TBC1D9B: variants seen among roughly 807,000 people sequenced by gnomAD.
TBC1D9B encodes the protein TBC1 domain family, member 9B (with GRAM domain).
In TBC1D9B, 87 loss-of-function variants were observed where a neutral mutation model predicts 121.1. That is an observed-to-expected ratio of 0.72 (90% CI 0.60 to 0.86). The LOEUF is 0.86. TBC1D9B is among the 40% of genes least tolerant of loss of function. The probability of loss-of-function intolerance (pLI) is 0.00; values close to 1 mark genes in which losing one functional copy is unlikely to be tolerated. For synonymous variants in TBC1D9B, 668 were observed against 670.1 expected (o/e 1.00, Z 0.05); for missense variants, 1,540 against 1,628.6 (o/e 0.95, Z 0.94).
Position 179,872,839 on chromosome 5 carries a change from G to A in TBC1D9B, c.2415+53C>T. On this transcript the variant is annotated intron_variant, in intron 14 of 20. Transcript: ENST00000355235. ...TGTACCCACCCTGCTCTGTGGGGAAGGCACTGCTGCCCCCCCAGCCCAGCC... is the reference window on the plus strand; with the variant it reads ...TGTACCCACCCTGCTCTGTGGGGAAAGCACTGCTGCCCCCCCAGCCCAGCC... 3 of 1,567,936 alleles carry A rather than the reference G, an allele frequency of 1.9e-6. No homozygotes were observed. The South Asian group carries it at 3.3e-5, about 17-fold the overall frequency.
chr5:179,879,210 C>A lies in TBC1D9B; in HGVS notation c.1417-13G>T. ...TCTTCTCCTTGGCCTGAGGGAAAAG[C>A]GCATCAGGGAGCCTGGGGGCCGAAG... is the stretch of plus-strand genomic sequence containing the variant. On this transcript the variant is annotated splice_polypyrimidine_tract_variant and intron_variant, in intron 8 of 20. Transcript: ENST00000355235. 1.3e-6 allele frequency: 2 copies of A among 1,595,938 alleles called. No individual in the cohort carries two copies. The highest frequency in any genetic ancestry group is 1.7e-6 in the Non-Finnish European group (2 of 1,177,670).
chr5:179,905,971 C>T (rs766266997), intron 1 of TBC1D9B, among the ~76,000 whole-genome samples: 4 of 152,228 alleles, frequency 2.6e-5, no homozygotes, highest in Non-Finnish European at 4.4e-5. Context: ...CCTTGACCTC[C>T]TGGGTTCAAG....
Position 179,885,883 on chromosome 5 carries a change from G to A in TBC1D9B, c.1254+2220C>T, listed in dbSNP as rs1760670986. ...AAGTCAAAGCTGCAGCACTCACAGGGCCTACGGGCTTTCGGTGACTTGGCC... is the reference window on the plus strand; with the variant it reads ...AAGTCAAAGCTGCAGCACTCACAGGACCTACGGGCTTTCGGTGACTTGGCC... On this transcript the variant is annotated intron_variant, in intron 7 of 20. Transcript: ENST00000355235. This position sits in a 1 kb window ranked among gnomAD's most constrained non-coding sequence, Gnocchi z 4.5. 6.6e-6 allele frequency among the ~76,000 whole-genome samples: 1 copy of A among 152,338 alleles called. No individual in the cohort carries two copies. Among genetic ancestry groups the A allele is most frequent in the East Asian group, 1.9e-4 (1 of 5,188 alleles).
chr5:179,895,403 G>A (rs1760991035), intron 3 of TBC1D9B, among the ~76,000 whole-genome samples: 1 of 152,242 alleles, frequency 6.6e-6, no homozygotes, highest in East Asian at 1.9e-4. Context: ...CTGCAGCTCT[G>A]TTCTGTAAAG....
chr5:179,889,063 G>GCT (rs1476750400), intron 6 of TBC1D9B, among the ~76,000 whole-genome samples: 1 of 151,060 alleles, frequency 6.6e-6, no homozygotes, highest in Non-Finnish European at 1.5e-5. Context: ...ACGGAGTCTC[G>GCT]CTGTCGCCCA....
At chr5:179,873,354 T>C (rs1197402582) in intron 12 of TBC1D9B, 106 bp from the exon 13 acceptor site, 6 of 1,432,714 alleles carry the variant, frequency 4.2e-6, no homozygotes, top group Non-Finnish European at 5.5e-6. Flanking sequence ...AGACTCCTAA[T>C]AAGGAGTGTG....
At chr5:179,884,107 C>T (rs1760610385) in intron 7 of TBC1D9B, among the ~76,000 whole-genome samples, 1 of 152,170 alleles carries the variant, frequency 6.6e-6, no homozygotes, top group Non-Finnish European at 1.5e-5. Flanking sequence ...GATCTTTCCT[C>T]AGCCGTATAA....
intron 17 of TBC1D9B, 106 bp from the exon 18 acceptor site, chr5:179,867,955 G>T: frequency 9.0e-7 from 1 of 1,109,246 alleles, no homozygotes; most frequent in Non-Finnish European, 1.2e-6. Context: ...CTGCCCACGA[G>T]CCTGGCCAGT....
chr5:179,883,898 T>G (rs1760606208), intron 7 of TBC1D9B, among the ~76,000 whole-genome samples: 1 of 152,176 alleles, frequency 6.6e-6, no homozygotes, highest in South Asian at 2.1e-4. Context: ...GAGAGGCCTT[T>G]CCCCTGCTGT....
intron 2 of TBC1D9B, among the ~76,000 whole-genome samples, chr5:179,900,317 A>C (rs889563189): frequency 6.6e-6 from 1 of 152,196 alleles, no homozygotes; most frequent in African/African-American, 2.4e-5. Context: ...GGGAAGAGCA[A>C]AGGGATGAGG....
intron 7 of TBC1D9B, among the ~76,000 whole-genome samples, chr5:179,883,663 T>TCTA (rs1760599550): frequency 6.6e-6 from 1 of 152,232 alleles, no homozygotes; most frequent in Non-Finnish European, 1.5e-5. Flanking sequence ...CTGTCGTTTT[T>TCTA]CTAATTCCTT....
intron 7 of TBC1D9B, among the ~76,000 whole-genome samples, chr5:179,883,219 C>A (rs1190698070): frequency 1.3e-5 from 2 of 152,134 alleles, no homozygotes; most frequent in Non-Finnish European, 2.9e-5. Context: ...TCAATATCGA[C>A]TATTTTGTGT....
In TBC1D9B at chr5:179,872,941, T is replaced by A. The variant is rs1202508485; in HGVS notation, c.2366A>T (p.Gln789Leu). ...CAAGGACTGGATCACTTTCAGCCTC[T>A]GTTTAAACCGCATCTGCTCAATGTC... ...AEDIEQMRFK[Q>L]RLKVIQSLED... is the part of the protein sequence containing the mutation. Residue 789 changes from glutamine to leucine, a missense_variant, in exon 14 of 21, where the codon CAG becomes CTG. Coordinates refer to ENST00000355235, the MANE Select transcript of TBC1D9B (RefSeq NM_015043.4). 4 of 1,610,228 alleles carry A rather than the reference T, an allele frequency of 2.5e-6. No individual in the cohort carries two copies. Among genetic ancestry groups the A allele is most frequent in the Non-Finnish European group, 3.4e-6 (4 of 1,178,404 alleles).
chr5:179,889,369 G>T (rs1291713145), intron 6 of TBC1D9B, among the ~76,000 whole-genome samples: 1 of 152,118 alleles, frequency 6.6e-6, no homozygotes, highest in Non-Finnish European at 1.5e-5. Flanking sequence ...CATATCCATG[G>T]GGTGTGCCTG....
In TBC1D9B at chr5:179,863,872, T is replaced by G; in HGVS notation, c.3278A>C (p.Lys1093Thr). The G allele has an allele frequency of 1.2e-6, 2 of 1,613,086 alleles. No individual in the cohort carries two copies. Among genetic ancestry groups the G allele is most frequent in the Non-Finnish European group, 1.7e-6 (2 of 1,179,468 alleles). The change falls in exon 21 of 21, where the codon AAA becomes ACA. Residue 1093 changes from lysine (K) to threonine (T), a missense_variant. Physicochemically the swap from Lys to Thr is moderately conservative, Grantham distance 78. Transcript: ENST00000355235. This position sits in a 1 kb window ranked among gnomAD's most constrained non-coding sequence, Gnocchi z 4.5. ...TCCGAGGTGTGTGTCTCCGCCTGCT[T>G]TGGCTTGGGGGTCTCCTGCAGCTGG... ...QPPAAGDPQA[K>T]AGGDTHLGKA...
In TBC1D9B at chr5:179,863,289, C is replaced by T; in HGVS notation, c.*159G>A. 1.2e-6 allele frequency: 1 copy of T among 827,634 alleles called. No homozygotes were observed. Among genetic ancestry groups the T allele is most frequent in the Non-Finnish European group, 1.9e-6 (1 of 540,440 alleles). 51.3% of individuals were successfully genotyped at this position (827,634 alleles called of 1,614,324 possible). ...GGCCCAGGGAATCTGTCTAAGGCAG[C>T]TGGGTCTGCACCAGCCTTCTTTCCA... On this transcript the variant is annotated 3_prime_UTR_variant, in exon 21 of 21. Transcript: ENST00000355235. This position sits in a 1 kb window ranked among gnomAD's most constrained non-coding sequence, Gnocchi z 4.5.
In TBC1D9B at chr5:179,904,208, C is replaced by G. The variant is rs941948289; in HGVS notation, c.229+494G>C. On this transcript the variant is annotated intron_variant, in intron 2 of 20. Coordinates refer to ENST00000355235, the MANE Select transcript of TBC1D9B (RefSeq NM_015043.4). This position sits in a 1 kb window ranked among gnomAD's most constrained non-coding sequence, Gnocchi z 4.2. ...TCCTCTCCTGCCCTGTCCCCATGACCAGTGGAGCTGCCTTTTTTTTTTTTT... is the reference window on the plus strand; with the variant it reads ...TCCTCTCCTGCCCTGTCCCCATGACGAGTGGAGCTGCCTTTTTTTTTTTTT... 6.8e-6 allele frequency among the ~76,000 whole-genome samples: 1 copy of G among 146,194 alleles called. No individual in the cohort carries two copies. The highest frequency in any genetic ancestry group is 1.5e-5 in the Non-Finnish European group (1 of 67,530).
rs772037992 is a variant in TBC1D9B, at chr5:179,865,975, G to A, written c.2864-87C>T. ...CTGGGGTCCTTGAGATGTAGTCTGT[G>A]TTTCTGTACAGCCAGCCCCAGGCCA... On this transcript the variant is annotated intron_variant, in intron 18 of 20. Transcript: ENST00000355235. This position sits in a 1 kb window ranked among gnomAD's most constrained non-coding sequence, Gnocchi z 5.1. 1 of 1,532,968 alleles carries A rather than the reference G, an allele frequency of 6.5e-7. No homozygotes were observed. Among genetic ancestry groups the A allele is most frequent in the Non-Finnish European group, 9.0e-7 (1 of 1,108,856 alleles). 95.0% of individuals were successfully genotyped at this position (1,532,968 alleles called of 1,614,324 possible).
chr5:179,877,120 C>A (rs528251669), intron 10 of TBC1D9B, among the ~76,000 whole-genome samples: 49 of 147,774 alleles, frequency 3.3e-4, no homozygotes, highest in South Asian at 1.7e-3. Flanking sequence ...GCTGGTGGCT[C>A]ACGCCTATAA....
Sources: gnomAD v4.1 joint callset for allele counts (sites outside exome capture counted in the v4.1 genomes callset) on GRCh38, gnomAD v4.1.1 for gene constraint, Gnocchi (gnomAD v3.1) non-coding constraint, MANE v1.5 for transcripts, NCBI Gene and HGNC (gene_info 2026-07-23, HGNC 2026-07-21) for gene names.